Variants in MOB3A observed in about 807,000 individuals in gnomAD.
MOB3A encodes MOB LAK.
MOB3A carries 17 observed loss-of-function variants against 17.8 expected under a neutral mutation model. The ratio of observed to expected loss-of-function variants is 0.95; its 90% CI spans 0.65 to 1.43. The LOEUF (loss-of-function observed/expected upper bound fraction) is 1.43, where lower values mean the gene tolerates loss of function less well. Ranked by LOEUF, MOB3A falls within the 40% of genes most tolerant of loss-of-function variation. MOB3A has a pLI of 0.00. For missense variants in MOB3A, 333 were observed against 310.8 expected, an observed-to-expected ratio of 1.07 and a Z score of -0.54; for synonymous variants, 124 against 133.2, an observed-to-expected ratio of 0.93 and a Z score of 0.48.
chr19:2,094,991 C>T (rs990972488), intron 1 of MOB3A, among the ~76,000 whole-genome samples: 1 of 152,050 alleles, frequency 6.6e-6, no homozygotes, highest in African/African-American at 2.4e-5. Flanking sequence ...GCCAACATGG[C>T]GAAACTCCGT....
intron 1 of MOB3A, among the ~76,000 whole-genome samples, chr19:2,091,825 T>C (rs2017617130): frequency 6.6e-6 from 1 of 150,798 alleles, no homozygotes; most frequent in African/African-American, 2.4e-5. Flanking sequence ...GGTGAAACCC[T>C]GTCTCTACTA....
chr19:2,095,784 G>A (rs1410299978), intron 1 of MOB3A, among the ~76,000 whole-genome samples: 1 of 148,862 alleles, frequency 6.7e-6, no homozygotes, highest in Non-Finnish European at 1.5e-5. Flanking sequence ...CGCTCTGGTT[G>A]CCCAGGCTGG....
chr19:2,073,492 C>T (rs2017366105), intron 4 of MOB3A, 68 bp from the exon 5 acceptor site: 1 of 1,603,168 alleles, frequency 6.2e-7, no homozygotes, highest in Non-Finnish European at 8.5e-7. Flanking sequence ...GAACAGCAGA[C>T]ACACGGAGAC....
chr19:2,073,366 G>A lies in MOB3A; in HGVS notation c.*29C>T. On this transcript the variant is annotated 3_prime_UTR_variant, in exon 5 of 5. Coordinates refer to ENST00000357066, the MANE Select transcript of MOB3A (RefSeq NM_130807.3). ...CCAAGTCTCCGAGGCCCCAGCGGCG[G>A]TTCGGGCACCGGGAGACCCGCGGGG... The A allele has an allele frequency of 1.2e-6, 2 of 1,612,804 alleles. No individual in the cohort carries two copies. The highest frequency in any genetic ancestry group is 8.5e-7 in the Non-Finnish European group (1 of 1,179,836).
intron 2 of MOB3A, 36 bp from the exon 3 acceptor site, chr19:2,078,715 CGACAGAA>C: frequency 1.4e-6 from 1 of 699,692 alleles, no homozygotes; most frequent in Non-Finnish European, 2.3e-6. Flanking sequence ...CTGCTGGAGG[CGACAGAA>C]TTTCCCGGAA....
intron 2 of MOB3A, among the ~76,000 whole-genome samples, chr19:2,080,525 G>C (rs1348750616): frequency 3.3e-5 from 5 of 152,098 alleles, no homozygotes; most frequent in Non-Finnish European, 7.4e-5. Flanking sequence ...CTACAGGCAC[G>C]TGCAACCACA....
At chr19:2,091,210 G>A (rs1446635432) in intron 1 of MOB3A, among the ~76,000 whole-genome samples, 1 of 152,112 alleles carries the variant, frequency 6.6e-6, no homozygotes, top group African/African-American at 2.4e-5. Context: ...GGAAAGAAAA[G>A]CCTTAAACTT....
At chr19:2,079,451 T>A (rs1038240541) in intron 2 of MOB3A, among the ~76,000 whole-genome samples, 1 of 152,186 alleles carries the variant, frequency 6.6e-6, no homozygotes, top group Non-Finnish European at 1.5e-5. Context: ...GTGACAAACA[T>A]CCTCAGGAGT....
intron 1 of MOB3A, among the ~76,000 whole-genome samples, chr19:2,090,379 GC>G (rs2017600124): frequency 6.6e-6 from 1 of 152,158 alleles, no homozygotes; most frequent in African/African-American, 2.4e-5. Context: ...CCTGCCCCCT[GC>G]CCCCACAGGC....
intron 1 of MOB3A, among the ~76,000 whole-genome samples, chr19:2,086,932 C>T (rs573520211): frequency 6.6e-6 from 1 of 152,270 alleles, no homozygotes; most frequent in South Asian, 2.1e-4. Flanking sequence ...GCTGGGACTA[C>T]AGGCACACAA....
At chr19:2,079,155 G>A (rs2017454802) in intron 2 of MOB3A, among the ~76,000 whole-genome samples, 1 of 152,240 alleles carries the variant, frequency 6.6e-6, no homozygotes, top group Non-Finnish European at 1.5e-5. Context: ...GGCGAGGCCT[G>A]ACCGATTCAC....
intron 1 of MOB3A, among the ~76,000 whole-genome samples, chr19:2,087,313 C>A (rs992175413): frequency 6.6e-6 from 1 of 152,334 alleles, no homozygotes; most frequent in South Asian, 2.1e-4. Context: ...TTTGGCGTTG[C>A]GCAAACACCA....
intron 2 of MOB3A, among the ~76,000 whole-genome samples, chr19:2,079,728 C>A (rs1042131627): frequency 6.6e-6 from 1 of 152,238 alleles, no homozygotes; most frequent in Non-Finnish European, 1.5e-5. Flanking sequence ...AGGGACCCCA[C>A]GATTGGGTGA....
chr19:2,087,091 C>T (rs1199963975), intron 1 of MOB3A, among the ~76,000 whole-genome samples: 2 of 152,224 alleles, frequency 1.3e-5, no homozygotes, highest in Non-Finnish European at 2.9e-5. Context: ...GTGCCTACTG[C>T]ATCTCTGACT....
At chr19:2,083,094 G>A (rs1008706964) in intron 2 of MOB3A, among the ~76,000 whole-genome samples, 20 of 152,156 alleles carry the variant, frequency 1.3e-4, no homozygotes, top group Non-Finnish European at 2.5e-4. Context: ...CGATCCATCC[G>A]CCTTAGCCTC....
intron 1 of MOB3A, among the ~76,000 whole-genome samples, chr19:2,088,233 A>C (rs1599410862): frequency 6.6e-6 from 1 of 152,336 alleles, no homozygotes; most frequent in Middle Eastern, 3.4e-3. Context: ...TCAGCCTTGA[A>C]TGTCCACAGT....
At chr19:2,084,200 A>G in intron 2 of MOB3A, 1 of 473,042 alleles carries the variant, frequency 2.1e-6, no homozygotes, top group South Asian at 1.5e-5. Context: ...CTCCTTTCAG[A>G]AGGTGAGGGG....
At chr19:2,081,503 G>A (rs935189723) in intron 2 of MOB3A, among the ~76,000 whole-genome samples, 2 of 151,960 alleles carry the variant, frequency 1.3e-5, no homozygotes, top group African/African-American at 2.4e-5. Context: ...CAGGAGAATC[G>A]CTTGAACCCG....
At position 2,077,049 on chromosome 19, in the gene MOB3A, A is replaced by G. The variant is rs763726785; in HGVS notation, c.422-36T>C. 12 of 1,573,232 alleles carry G rather than the reference A, an allele frequency of 7.6e-6. No homozygotes were observed. In the African/African-American group the frequency reaches 1.5e-4, roughly 19 times the overall value. On this transcript the variant is annotated intron_variant, in intron 3 of 4. Coordinates refer to ENST00000357066, the MANE Select transcript of MOB3A (RefSeq NM_130807.3). ...AGGGGTGGGACGGGTCCACGGACTCAGCCAAGTCCATGTCCAGAACCCTTT... is the reference window on the plus strand; with the variant it reads ...AGGGGTGGGACGGGTCCACGGACTCGGCCAAGTCCATGTCCAGAACCCTTT...
Sources: allele counts gnomAD v4.1 joint callset (sites outside exome capture counted in the v4.1 genomes callset), GRCh38; gene constraint gnomAD v4.1.1; transcripts MANE v1.5; gene names NCBI Gene and HGNC (gene_info 2026-07-23, HGNC 2026-07-21).